Variants in CDH13 observed in about 807,000 individuals in gnomAD.
CDH13 encodes the protein cadherin 13.
Under a neutral mutation model 63.8 loss-of-function variants are expected in CDH13, and 24 were observed. The ratio of observed to expected loss-of-function variants is 0.38; its 90% CI spans 0.27 to 0.53. The LOEUF is 0.53. Ranked by LOEUF, CDH13 falls within the 20% of genes least tolerant of loss-of-function variation. The pLI, the probability that CDH13 is intolerant of heterozygous loss-of-function variation, is 0.85. For missense variants in CDH13, 1,049 were observed against 903.1 expected (o/e 1.16, Z -2.07); for synonymous variants, 503 against 355.3 (o/e 1.42, Z -4.67).
intron 6 of CDH13, among the ~76,000 whole-genome samples, chr16:83,377,696 A>C (rs2091483809): frequency 6.6e-6 from 1 of 152,188 alleles, no homozygotes; most frequent in South Asian, 2.1e-4. Context: ...CTGCCTGATA[A>C]TGACTCCCAC....
chr16:83,634,971 G>A (rs956843318), intron 8 of CDH13, among the ~76,000 whole-genome samples: 1 of 152,150 alleles, frequency 6.6e-6, no homozygotes, highest in Non-Finnish European at 1.5e-5. Flanking sequence ...TATATTAAGT[G>A]CATGTTAGTT....
At chr16:83,469,218 A>G (rs1418666134) in intron 6 of CDH13, among the ~76,000 whole-genome samples, 2 of 152,154 alleles carry the variant, frequency 1.3e-5, no homozygotes, top group East Asian at 3.9e-4. Context: ...TGACTTGCAA[A>G]TAGAGCCTGA....
intron 4 of CDH13, among the ~76,000 whole-genome samples, chr16:83,172,892 T>C (rs2037983346): frequency 6.6e-6 from 1 of 152,174 alleles, no homozygotes; most frequent in South Asian, 2.1e-4. Flanking sequence ...AAAATTCTCA[T>C]TTCATCAAGT....
chr16:83,077,925 G>A (rs917029315), intron 3 of CDH13, among the ~76,000 whole-genome samples: 2 of 152,152 alleles, frequency 1.3e-5, no homozygotes, highest in Admixed American at 1.3e-4. Context: ...TCCCATTGTG[G>A]ATTTAATTTG....
intron 2 of CDH13, among the ~76,000 whole-genome samples, chr16:83,020,185 A>G (rs1185983146): frequency 6.6e-6 from 1 of 152,148 alleles, no homozygotes; most frequent in East Asian, 1.9e-4. Context: ...AAATATGAAT[A>G]TTTGCATTGT....
At chr16:83,286,468 A>G (rs958599038) in intron 5 of CDH13, among the ~76,000 whole-genome samples, 1 of 152,140 alleles carries the variant, frequency 6.6e-6, no homozygotes, top group African/African-American at 2.4e-5. Flanking sequence ...CCGTTGTCAA[A>G]TTTAAAAATA....
At chr16:82,645,264 GCTCAGAAATCTGTGTTTCCAGATT>G (rs994335764) in intron 1 of CDH13, among the ~76,000 whole-genome samples, 8 of 152,134 alleles carry the variant, frequency 5.3e-5, no homozygotes, top group Non-Finnish European at 2.9e-5. Flanking sequence ...CTGGGGGCAG[GCTCAGAAATCTGTGTTTCCAGATT>G]CCACTGGGTT....
At chr16:82,662,287 G>T (rs372604350) in intron 1 of CDH13, among the ~76,000 whole-genome samples, 1 of 144,522 alleles carries the variant, frequency 6.9e-6, no homozygotes, top group Admixed American at 6.8e-5. Context: ...AACACAGAAA[G>T]GATGCACACC....
At chr16:82,648,725 A>C (rs1391854676) in intron 1 of CDH13, among the ~76,000 whole-genome samples, 7 of 152,220 alleles carry the variant, frequency 4.6e-5, no homozygotes, top group Admixed American at 4.6e-4. Flanking sequence ...CTTGCGTTAC[A>C]TCTATAATGA....
intron 4 of CDH13, among the ~76,000 whole-genome samples, chr16:83,156,183 T>G (rs1402879700): frequency 6.6e-6 from 1 of 152,166 alleles, no homozygotes; most frequent in African/African-American, 2.4e-5. Context: ...AATTAAAGAA[T>G]AACCAAACTC....
chr16:83,274,237 G>T (rs1369183502), intron 5 of CDH13, among the ~76,000 whole-genome samples: 1 of 152,218 alleles, frequency 6.6e-6, no homozygotes, highest in African/African-American at 2.4e-5. Context: ...TGGCCTTAGG[G>T]AAAGGCTGGT....
At chr16:82,924,887 T>G (rs955653255) in intron 2 of CDH13, among the ~76,000 whole-genome samples, 10 of 152,180 alleles carry the variant, frequency 6.6e-5, no homozygotes, top group Non-Finnish European at 1.3e-4. Flanking sequence ...AGCTGGTAAT[T>G]CTTGTTTTTA....
At chr16:82,657,973 G>A (rs1349651488) in intron 1 of CDH13, among the ~76,000 whole-genome samples, 1 of 152,194 alleles carries the variant, frequency 6.6e-6, no homozygotes, top group Non-Finnish European at 1.5e-5. Context: ...TGGTAAGAGG[G>A]CACATCCTTG....
intron 1 of CDH13, among the ~76,000 whole-genome samples, chr16:82,845,294 G>A (rs937001941): frequency 2.0e-5 from 3 of 152,188 alleles, no homozygotes; most frequent in Admixed American, 2.0e-4. Context: ...CCAATGCACT[G>A]AGGGCTGTCC....
At chr16:83,124,558 G>A (rs948330328) in intron 3 of CDH13, among the ~76,000 whole-genome samples, 10 of 132,784 alleles carry the variant, frequency 7.5e-5, no homozygotes, top group African/African-American at 2.9e-4. Flanking sequence ...GTTTGCTTTT[G>A]AGGACTAGGC....
At chr16:83,277,374 A>G (rs926125572) in intron 5 of CDH13, among the ~76,000 whole-genome samples, 1 of 152,170 alleles carries the variant, frequency 6.6e-6, no homozygotes, top group African/African-American at 2.4e-5. Flanking sequence ...TGCCTAAACC[A>G]TACTCCGAAC....
chr16:83,602,630 G>A (rs1239368512), intron 8 of CDH13, 36 bp downstream of exon 8: 3 of 1,611,268 alleles, frequency 1.9e-6, no homozygotes, highest in South Asian at 1.1e-5. Flanking sequence ...CACCACTGTG[G>A]TCACAGCTAC....
At chr16:83,727,277 GTGATATCC>G (rs1910524038) in intron 10 of CDH13, among the ~76,000 whole-genome samples, 1 of 94,012 alleles carries the variant, frequency 1.1e-5, no homozygotes, top group Non-Finnish European at 2.2e-5. Flanking sequence ...CAGCTAACAT[GTGATATCC>G]TTAATGGTTT....
Position 82,851,383 on chromosome 16 carries a change from C to A in CDH13, c.46-6979C>A, listed in dbSNP as rs182161447. Among the ~76,000 whole-genome samples the A allele has an allele frequency of 5.2e-3, 747 of 144,386 alleles. 21 individuals carry two copies. The highest frequency in any genetic ancestry group is 1.6e-3 in the Non-Finnish European group (105 of 66,502). The allele number at this position is 144,386 out of a possible 152,430, so 94.7% of individuals were successfully genotyped here. A position where few individuals can be genotyped will look rare whatever the true frequency, so the allele number is the denominator to read the frequency against. On this transcript the variant is annotated intron_variant, in intron 1 of 13. Transcript: ENST00000567109. ...CCTGGAGGCGGAGGGTGCAGTGAGC[C>A]AAGATTGCACCTCTGCACTCCAGCC...
Sources: allele counts gnomAD v4.1 joint callset (sites outside exome capture counted in the v4.1 genomes callset), GRCh38; gene constraint gnomAD v4.1.1; transcripts MANE v1.5; gene names NCBI Gene and HGNC (gene_info 2026-07-23, HGNC 2026-07-21).